CLMN: variants seen among roughly 807,000 people sequenced by gnomAD.
The protein encoded by CLMN is calmin.
In CLMN, 57 loss-of-function variants were observed where a neutral mutation model predicts 92.7. The ratio of observed to expected loss-of-function variants is 0.61; its 90% confidence interval spans 0.50 to 0.77. The LOEUF is 0.77. CLMN is among the 30% of genes least tolerant of loss of function. The pLI is 0.00. For missense variants in CLMN, 1,158 were observed against 1,237.5 expected (o/e 0.94, Z 0.96); for synonymous variants, 466 against 470.6 (o/e 0.99, Z 0.13).
At chr14:95,264,329 C>T (rs1033129951) in intron 1 of CLMN, among the ~76,000 whole-genome samples, 1 of 152,108 alleles carries the variant, frequency 6.6e-6, no homozygotes, top group African/African-American at 2.4e-5. Flanking sequence ...GCCACTGTGC[C>T]GGACCCCTGC....
chr14:95,229,587 G>T (rs1420575174), intron 2 of CLMN, among the ~76,000 whole-genome samples: 1 of 152,164 alleles, frequency 6.6e-6, no homozygotes, highest in Non-Finnish European at 1.5e-5. Context: ...TGGCATGTGT[G>T]TGTGGCACTA....
chr14:95,225,115 C>A, intron 2 of CLMN, among the ~76,000 whole-genome samples: 1 of 148,944 alleles, frequency 6.7e-6, no homozygotes, highest in Non-Finnish European at 1.5e-5. Flanking sequence ...AAAAGCAATA[C>A]AAGCTCATTA....
chr14:95,285,576 GC>G (rs936159063), intron 1 of CLMN, among the ~76,000 whole-genome samples: 1 of 152,192 alleles, frequency 6.6e-6, no homozygotes, highest in African/African-American at 2.4e-5. Flanking sequence ...TGTAGAACAT[GC>G]CTTCCTCCCC....
intron 1 of CLMN, among the ~76,000 whole-genome samples, chr14:95,319,034 C>T (rs534841272): frequency 4.6e-5 from 7 of 152,324 alleles, no homozygotes; most frequent in African/African-American, 1.7e-4. Context: ...CAGGTAGAAG[C>T]CTTGGTCCCA....
intron 9 of CLMN, 30 bp downstream of exon 9, chr14:95,202,808 C>T (rs772226343): frequency 2.0e-6 from 3 of 1,507,576 alleles, no homozygotes; most frequent in Non-Finnish European, 2.7e-6. Context: ...CAGGCAGGAC[C>T]CAGGGTTCCC....
At chr14:95,251,428 T>C (rs890950893) in intron 1 of CLMN, among the ~76,000 whole-genome samples, 7 of 152,212 alleles carry the variant, frequency 4.6e-5, no homozygotes, top group African/African-American at 1.4e-4. Context: ...ACTTGTCCGA[T>C]TCTGAATGTC....
chr14:95,319,867 A>G lies in CLMN; in HGVS notation c.-75T>C. On this transcript the variant is annotated 5_prime_UTR_variant, in exon 1 of 13. Coordinates refer to ENST00000298912, the MANE Select transcript of CLMN (RefSeq NM_024734.4). ...GGAGAGCCTGGCTGGCGGGCGCGCG[A>G]GCGGCACGCACCCGGCGAGGGCGCC... The G allele has an allele frequency of 2.3e-4, 183 of 782,896 alleles. No homozygotes were observed. The highest frequency in any genetic ancestry group is 2.6e-4 in the Non-Finnish European group (173 of 661,254). 48.5% of individuals were successfully genotyped at this position (782,896 alleles called of 1,614,324 possible). A position where few individuals can be genotyped will look rare whatever the true frequency, so the allele number is the denominator to read the frequency against.
intron 2 of CLMN, among the ~76,000 whole-genome samples, chr14:95,227,095 C>G (rs532091218): frequency 6.6e-6 from 1 of 152,022 alleles, no homozygotes; most frequent in South Asian, 2.1e-4. Flanking sequence ...CTGAGGCCAA[C>G]GGGAGGGTGG....
At chr14:95,281,644 G>A (rs1346894975) in intron 1 of CLMN, among the ~76,000 whole-genome samples, 1 of 152,182 alleles carries the variant, frequency 6.6e-6, no homozygotes, top group African/African-American at 2.4e-5. Flanking sequence ...ATTGGAATAG[G>A]CTAACAACTC....
At chr14:95,210,588 A>G in intron 7 of CLMN, 98 bp downstream of exon 7, 1 of 1,286,058 alleles carries the variant, frequency 7.8e-7, no homozygotes, top group South Asian at 1.4e-5. Context: ...AATCTTCTTC[A>G]TTAGATTTTT....
chr14:95,256,672 C>CAT lies in CLMN; in HGVS notation c.83-26541_83-26540dup, dbSNP rs1317070254. 1.3e-5 allele frequency among the ~76,000 whole-genome samples: 2 copies of CAT among 152,234 alleles called. No homozygotes were observed. Among genetic ancestry groups the CAT allele is most frequent in the African/African-American group, 4.8e-5 (2 of 41,470 alleles). ...CAGGTGACTCCTGGCTAGAGTCCTT[C>CAT]ATTTGTTCATTTCAAAACGAAACTG... On this transcript the variant is annotated intron_variant, in intron 1 of 12. Transcript: ENST00000298912. This position sits in a 1 kb window ranked among gnomAD's most constrained non-coding sequence, Gnocchi z 4.9.
At chr14:95,253,617 GTT>G (rs543744071) in intron 1 of CLMN, among the ~76,000 whole-genome samples, 2 of 140,028 alleles carry the variant, frequency 1.4e-5, no homozygotes. Flanking sequence ...TTGTTTTTTT[GTT>G]TTTTTTTTTT....
intron 12 of CLMN, chr14:95,193,236 G>C: frequency 4.5e-6 from 4 of 880,870 alleles, no homozygotes; most frequent in Middle Eastern, 2.1e-4. Flanking sequence ...CGTTTTTCTG[G>C]TTTCCTATGT....
rs1595550203 is a variant in CLMN, at chr14:95,194,024, C to T, written c.2770-105G>A. On this transcript the variant is annotated intron_variant, in intron 11 of 12. Transcript: ENST00000298912. This position sits in a 1 kb window ranked among gnomAD's most constrained non-coding sequence, Gnocchi z 4.0. ...TTTAAACACACAAAGCCGAGCATGC[C>T]GGGCATTTCTCAATACCGCCAGCGT... 9.8e-6 allele frequency: 15 copies of T among 1,526,384 alleles called. No individual in the cohort carries two copies. Among genetic ancestry groups the T allele is most frequent in the East Asian group, 9.6e-5 (4 of 41,626 alleles). The allele number at this position is 1,526,384 out of a possible 1,614,324, so 94.6% of individuals were successfully genotyped here.
At chr14:95,277,674 C>T (rs1396295871) in intron 1 of CLMN, among the ~76,000 whole-genome samples, 1 of 152,170 alleles carries the variant, frequency 6.6e-6, no homozygotes, top group Non-Finnish European at 1.5e-5. Context: ...GTCACCCAGG[C>T]CAGAGTGCAG....
At chr14:95,243,554 C>T (rs1898340326) in intron 1 of CLMN, among the ~76,000 whole-genome samples, 1 of 152,074 alleles carries the variant, frequency 6.6e-6, no homozygotes, top group African/African-American at 2.4e-5. Flanking sequence ...TCACCTAACC[C>T]CTACTAAAAT....
Position 95,204,056 on chromosome 14 carries a change from G to A in CLMN, c.1293C>T (p.Asp431=), listed in dbSNP as rs1213077556. Residue 431 remains aspartate (D), a synonymous_variant, in exon 9 of 13, where the codon GAC becomes GAT. Coordinates refer to ENST00000298912, the MANE Select transcript of CLMN (RefSeq NM_024734.4). The part of the protein sequence containing the change: ...PIKKTVHFEA[D]TYKDPFCSKN... The stretch of plus-strand genomic sequence containing the variant: ...TACTGCAGAAAGGATCCTTGTAGGT[G>A]TCAGCCTCAAAGTGAACTGTTTTCT... 2.5e-6 allele frequency: 4 copies of A among 1,614,060 alleles called. No homozygotes were observed.
chr14:95,244,711 T>A (rs1898392477), intron 1 of CLMN, among the ~76,000 whole-genome samples: 1 of 152,102 alleles, frequency 6.6e-6, no homozygotes. Context: ...TTGTTAGGGG[T>A]CAATTTTTAC....
intron 1 of CLMN, among the ~76,000 whole-genome samples, chr14:95,236,237 G>T (rs1898050883): frequency 6.6e-6 from 1 of 152,218 alleles, no homozygotes; most frequent in African/African-American, 2.4e-5. Context: ...GACGGCTGAG[G>T]TGCTGTGTGG....
Sources: allele counts gnomAD v4.1 joint callset (sites outside exome capture counted in the v4.1 genomes callset), GRCh38; gene constraint gnomAD v4.1.1; non-coding constraint Gnocchi (gnomAD v3.1); transcripts MANE v1.5; gene names NCBI Gene and HGNC (gene_info 2026-07-23, HGNC 2026-07-21).